GHR: variants seen among roughly 807,000 people sequenced by gnomAD.
The protein encoded by GHR is GH receptor.
A neutral mutation model predicts 67.1 loss-of-function variants in GHR; 35 were observed. That is an observed-to-expected ratio of 0.52 (90% CI 0.40 to 0.69). The LOEUF is 0.69. Ranked by LOEUF, GHR falls within the 30% of genes least tolerant of loss-of-function variation. The probability of loss-of-function intolerance (pLI) is 0.00; values close to 1 mark genes in which losing one functional copy is unlikely to be tolerated. For missense variants in GHR, 792 were observed against 764.6 expected (o/e 1.04, Z -0.42); for synonymous variants, 272 against 269.1 (o/e 1.01, Z -0.10).
At chr5:42,708,649 G>C (rs1370643198) in intron 6 of GHR, among the ~76,000 whole-genome samples, 1 of 152,054 alleles carries the variant, frequency 6.6e-6, no homozygotes, top group Non-Finnish European at 1.5e-5. Context: ...AAAAAACAAA[G>C]ATATAAATCA....
chr5:42,468,293 G>A, intron 1 of GHR: 1 of 1,575,380 alleles, frequency 6.3e-7, no homozygotes, highest in Non-Finnish European at 8.7e-7. Flanking sequence ...CATGGGCCTA[G>A]GGCCATGGCT....
At chr5:42,617,386 A>ACACG (rs1491557402) in intron 2 of GHR, among the ~76,000 whole-genome samples, 4 of 378 alleles carry the variant, frequency 0.011, no homozygotes, top group Non-Finnish European at 0.019. Flanking sequence ...AGTTCATTTT[A>ACACG]CACACACACA....
At chr5:42,670,465 A>G (rs1314890942) in intron 3 of GHR, among the ~76,000 whole-genome samples, 1 of 152,352 alleles carries the variant, frequency 6.6e-6, no homozygotes. Context: ...TCTAGGCAGA[A>G]GTTTCATGGA....
intron 3 of GHR, among the ~76,000 whole-genome samples, chr5:42,657,905 C>A (rs1755342846): frequency 6.6e-6 from 1 of 152,036 alleles, no homozygotes; most frequent in South Asian, 2.1e-4. Flanking sequence ...AGTAGGTGGT[C>A]CTAAAATGTT....
intron 1 of GHR, among the ~76,000 whole-genome samples, chr5:42,474,109 A>G (rs1745132164): frequency 6.6e-6 from 1 of 151,506 alleles, no homozygotes; most frequent in Admixed American, 6.6e-5. Context: ...GAATCGCTTG[A>G]ACCGAGGAGG....
At chr5:42,694,535 G>T (rs1240883780) in intron 4 of GHR, among the ~76,000 whole-genome samples, 1 of 152,084 alleles carries the variant, frequency 6.6e-6, no homozygotes, top group Non-Finnish European at 1.5e-5. Flanking sequence ...TGTTCTCTGG[G>T]AATCTCTAGT....
At chr5:42,538,525 G>T (rs1449723730) in intron 1 of GHR, among the ~76,000 whole-genome samples, 1 of 152,130 alleles carries the variant, frequency 6.6e-6, no homozygotes, top group Non-Finnish European at 1.5e-5. Context: ...TAGCTTGCAG[G>T]GTTTCTGATG....
intron 1 of GHR, among the ~76,000 whole-genome samples, chr5:42,529,326 A>G (rs1047193895): frequency 6.6e-6 from 1 of 152,090 alleles, no homozygotes; most frequent in Non-Finnish European, 1.5e-5. Flanking sequence ...TAACTTTTAT[A>G]TACAGTAGGA....
At chr5:42,718,337 GT>G (rs1758826910) in intron 9 of GHR, 115 bp from the exon 10 acceptor site, 1 of 809,200 alleles carries the variant, frequency 1.2e-6, no homozygotes, top group Non-Finnish European at 2.0e-6. Flanking sequence ...TTTTTTATAT[GT>G]TTTGTTACTG....
chr5:42,425,322 A>G (rs7704355), intron 1 of GHR, among the ~76,000 whole-genome samples: 124,782 of 152,078 alleles, frequency 0.82, 51,424 homozygotes, highest in East Asian at 1. Context: ...TTTCAGAGGT[A>G]TTCAGGCTCC....
intron 1 of GHR, among the ~76,000 whole-genome samples, chr5:42,496,599 T>A (rs903002989): frequency 6.6e-6 from 1 of 152,148 alleles, no homozygotes; most frequent in African/African-American, 2.4e-5. Flanking sequence ...AGGTACGTCT[T>A]GTCCCACAGA....
intron 3 of GHR, among the ~76,000 whole-genome samples, chr5:42,648,817 AC>A (rs1754877680): frequency 6.6e-6 from 1 of 152,002 alleles, no homozygotes; most frequent in Non-Finnish European, 1.5e-5. Context: ...TTATATAGCA[AC>A]CGCCTGCAGA....
intron 2 of GHR, among the ~76,000 whole-genome samples, chr5:42,572,024 G>A (rs552087516): frequency 6.6e-6 from 1 of 152,148 alleles, no homozygotes; most frequent in African/African-American, 2.4e-5. Flanking sequence ...ACAACAAGGG[G>A]CCCAGGATTC....
chr5:42,584,251 A>G (rs1751354127), intron 2 of GHR, among the ~76,000 whole-genome samples: 1 of 152,212 alleles, frequency 6.6e-6, no homozygotes, highest in Non-Finnish European at 1.5e-5. Flanking sequence ...TACTAAATTT[A>G]TAGCAAAAGT....
intron 1 of GHR, among the ~76,000 whole-genome samples, chr5:42,446,434 T>C (rs1300478844): frequency 6.6e-6 from 1 of 152,194 alleles, no homozygotes; most frequent in Non-Finnish European, 1.5e-5. Flanking sequence ...GATCAGAGAA[T>C]GTTCGAGGGC....
At chr5:42,599,356 C>CTT (rs1561156792) in intron 2 of GHR, among the ~76,000 whole-genome samples, 6 of 125,704 alleles carry the variant, frequency 4.8e-5, no homozygotes, top group Non-Finnish European at 4.9e-5. Context: ...GCCTACAGCA[C>CTT]ATTTTTTTTT....
At chr5:42,465,630 T>G (rs1176028580) in intron 1 of GHR, 2 of 980,130 alleles carry the variant, frequency 2.0e-6, no homozygotes, top group African/African-American at 1.6e-5. Flanking sequence ...AATTCATCTT[T>G]GACAATTCCC....
intron 6 of GHR, 139 bp downstream of exon 6, chr5:42,700,141 T>C (rs1757864979): frequency 1.5e-6 from 1 of 669,434 alleles, no homozygotes; most frequent in African/African-American, 1.8e-5. Flanking sequence ...TGAGAAAACA[T>C]TATTTAACCG....
intron 4 of GHR, among the ~76,000 whole-genome samples, 197 bp downstream of exon 4, chr5:42,689,216 T>C (rs553505537): frequency 4.6e-5 from 7 of 152,326 alleles, no homozygotes; most frequent in Admixed American, 6.5e-5. Flanking sequence ...CCTGGAGATA[T>C]AGCAGTGATT....
Sources: gnomAD v4.1 joint callset for allele counts (sites outside exome capture counted in the v4.1 genomes callset) on GRCh38, gnomAD v4.1.1 for gene constraint, MANE v1.5 for transcripts, NCBI Gene and HGNC (gene_info 2026-07-23, HGNC 2026-07-21) for gene names.